The following HERC3 variants were observed in gnomAD, a reference collection of about 807,000 sequenced individuals.
HERC3 encodes the protein probable E3 ubiquitin-protein ligase HERC3.
In HERC3, 58 loss-of-function variants were observed where a neutral mutation model predicts 129.9. That is an observed-to-expected ratio of 0.45 (90% CI 0.36 to 0.56). HERC3 has a LOEUF of 0.56. Ranked by LOEUF, HERC3 falls within the 20% of genes least tolerant of loss-of-function variation. The probability of loss-of-function intolerance (pLI) is 0.00; values close to 1 mark genes in which losing one functional copy is unlikely to be tolerated. For missense variants in HERC3, 835 were observed against 1,244.2 expected (o/e 0.67, Z 4.95); for synonymous variants, 430 against 451.0 (o/e 0.95, Z 0.59).
chr4:88,567,316 T>A, the HERC3 span, among the ~76,000 whole-genome samples: 3 of 152,332 alleles, frequency 2.0e-5, no homozygotes, highest in South Asian at 6.2e-4. Context: ...CTTCTCATAC[T>A]TGATATCTTT....
In HERC3 at chr4:88,651,890, A is replaced by G. The variant is rs959784114; in HGVS notation, c.387-122A>G. The G allele has an allele frequency of 1.7e-5, 13 of 785,424 alleles. No individual in the cohort carries two copies. In the African/African-American group the frequency reaches 1.7e-4, roughly 10 times the overall value. The allele number at this position is 785,424 out of a possible 1,614,324, so 48.7% of individuals were successfully genotyped here. On this transcript the variant is annotated intron_variant, in intron 4 of 25. Coordinates refer to ENST00000402738, the MANE Select transcript of HERC3 (RefSeq NM_014606.3). The stretch of plus-strand genomic sequence containing the variant: ...GGCGTGAACCACTGTGCCTGGCCTT[A>G]AAAAGACTTTTAGGCAAGATGGTGT...
At chr4:88,583,731 A>G in the HERC3 span, 1 of 152,208 alleles carries the variant, frequency 6.6e-6, no homozygotes, top group Admixed American at 6.5e-5. Flanking sequence ...TTTGCTTGCA[A>G]AGGGATTTCA....
At chr4:88,564,098 TTTGTGTATG>T in the HERC3 span, among the ~76,000 whole-genome samples, 1 of 152,248 alleles carries the variant, frequency 6.6e-6, no homozygotes, top group African/African-American at 2.4e-5. Flanking sequence ...CATGGATTGA[TTTGTGTATG>T]TAGAACCATG....
At chr4:88,531,857 A>C in the HERC3 span, among the ~76,000 whole-genome samples, 3 of 152,164 alleles carry the variant, frequency 2.0e-5, no homozygotes, top group African/African-American at 7.2e-5. Flanking sequence ...GTGTCTTCTT[A>C]GCACAGGGCA....
chr4:88,604,820 C>A (rs149245366), intron 2 of HERC3, among the ~76,000 whole-genome samples: 46 of 152,238 alleles, frequency 3.0e-4, no homozygotes, highest in Middle Eastern at 3.4e-3. Flanking sequence ...TATGTTTAGT[C>A]TTTTCAGGAA....
chr4:88,556,870 C>G, the HERC3 span, among the ~76,000 whole-genome samples: 1 of 151,990 alleles, frequency 6.6e-6, no homozygotes, highest in African/African-American at 2.4e-5. Flanking sequence ...GTCTAGAAAT[C>G]CTGTCCTCAA....
chr4:88,575,228 C>G, the HERC3 span, among the ~76,000 whole-genome samples: 5 of 152,292 alleles, frequency 3.3e-5, no homozygotes, highest in South Asian at 8.3e-4. Context: ...CTGTATCCTC[C>G]TCTATAGGAT....
upstream of HERC3, among the ~76,000 whole-genome samples, chr4:88,589,628 A>C (rs918117349): frequency 6.6e-6 from 1 of 152,238 alleles, no homozygotes; most frequent in African/African-American, 2.4e-5. Context: ...AGACAGGGCT[A>C]TAGAAATGGA....
At chr4:88,530,267 G>A in the HERC3 span, among the ~76,000 whole-genome samples, 6 of 151,868 alleles carry the variant, frequency 4.0e-5, no homozygotes, top group Non-Finnish European at 7.4e-5. Flanking sequence ...TCCAGCCTAG[G>A]TGACAGAGTG....
intron 3 of HERC3, among the ~76,000 whole-genome samples, chr4:88,641,997 G>A (rs752612035): frequency 9.9e-5 from 15 of 151,754 alleles, no homozygotes; most frequent in African/African-American, 3.6e-4. Context: ...TGGGCATGCT[G>A]GTGCATGCCT....
At chr4:88,549,162 A>G in the HERC3 span, among the ~76,000 whole-genome samples, 1 of 152,164 alleles carries the variant, frequency 6.6e-6, no homozygotes, top group South Asian at 2.1e-4. Context: ...TGAAATTTTT[A>G]TATGATATAA....
chr4:88,686,648 A>C, intron 21 of HERC3, 88 bp from the exon 22 acceptor site: 1 of 812,330 alleles, frequency 1.2e-6, no homozygotes. Flanking sequence ...TTTTCCTTGG[A>C]AATGGTCTGG....
chr4:88,694,287 C>T (rs1734369401), intron 23 of HERC3, among the ~76,000 whole-genome samples: 1 of 152,142 alleles, frequency 6.6e-6, no homozygotes, highest in South Asian at 2.1e-4. Context: ...CTGCTGATGT[C>T]CTTTATGTAT....
At chr4:88,617,509 G>A (rs1349743204) in intron 3 of HERC3, among the ~76,000 whole-genome samples, 1 of 152,212 alleles carries the variant, frequency 6.6e-6, no homozygotes, top group Non-Finnish European at 1.5e-5. Flanking sequence ...ATGAAATTAA[G>A]TAGATTGTGC....
intron 4 of HERC3, among the ~76,000 whole-genome samples, chr4:88,650,871 GC>G (rs1449147596): frequency 1.3e-5 from 2 of 152,120 alleles, no homozygotes; most frequent in Non-Finnish European, 2.9e-5. Flanking sequence ...CTCCTCCTCT[GC>G]CTAATTATCG....
the HERC3 span, among the ~76,000 whole-genome samples, chr4:88,572,381 C>T: frequency 6.6e-6 from 1 of 151,562 alleles, no homozygotes; most frequent in Middle Eastern, 3.4e-3. Flanking sequence ...TGAGCTGTGA[C>T]CATCACTGCA....
At chr4:88,539,378 A>G in the HERC3 span, among the ~76,000 whole-genome samples, 1 of 151,998 alleles carries the variant, frequency 6.6e-6, no homozygotes, top group Non-Finnish European at 1.5e-5. Context: ...AGGGGCATCC[A>G]CTATTGCTGA....
chr4:88,615,009 C>T (rs1724745510), intron 3 of HERC3, among the ~76,000 whole-genome samples: 1 of 152,178 alleles, frequency 6.6e-6, no homozygotes, highest in African/African-American at 2.4e-5. Context: ...TAACAAATGT[C>T]ATCTTCTATA....
At chr4:88,542,218 G>A in the HERC3 span, among the ~76,000 whole-genome samples, 1 of 152,048 alleles carries the variant, frequency 6.6e-6, no homozygotes, top group African/African-American at 2.4e-5. Context: ...GAATAAAAGA[G>A]AGAAGAATCA....
Sources: gnomAD v4.1 joint callset for allele counts (sites outside exome capture counted in the v4.1 genomes callset) on GRCh38, gnomAD v4.1.1 for gene constraint, MANE v1.5 for transcripts, NCBI Gene and HGNC (gene_info 2026-07-23, HGNC 2026-07-21) for gene names.